Variants in ATP11A observed in about 807,000 individuals in gnomAD.
ATP11A encodes ATPase phospholipid transporting 11A, also known as phospholipid-transporting ATPase IH.
In ATP11A, 81 loss-of-function variants were observed where a neutral mutation model predicts 154.4. That is an observed-to-expected ratio of 0.52 (90% CI 0.44 to 0.63). The LOEUF (loss-of-function observed/expected upper bound fraction) is 0.63. Among genes scored for constraint, ATP11A ranks in the 30% least tolerant of loss-of-function variants. The probability of loss-of-function intolerance (pLI) is 0.00; values close to 1 mark genes in which losing one functional copy is unlikely to be tolerated. For synonymous variants in ATP11A, 623 were observed against 585.9 expected, an observed-to-expected ratio of 1.06 and a Z score of -0.91; for missense variants, 1,316 against 1,474.3, an observed-to-expected ratio of 0.89 and a Z score of 1.76.
intron 1 of ATP11A, among the ~76,000 whole-genome samples, chr13:112,724,129 A>ATCGCCCCCTTCGCCCCCT (rs1294728039): frequency 7.0e-5 from 1 of 14,294 alleles, no homozygotes; most frequent in African/African-American, 3.0e-4. Flanking sequence ...CTTCTCCCCC[A>ATCGCCCCCTTCGCCCCCT]TCGCCCCCTT....
chr13:112,881,656 C>G lies in ATP11A; in HGVS notation c.*10-220C>G, dbSNP rs1317196996. Reference sequence around the variant, plus strand: ...ATATGGCTTCTCTGGTGGGGTGGATCCCGCCCGGCCTGCCCTCAGGACGAG... The same window carrying G: ...ATATGGCTTCTCTGGTGGGGTGGATGCCGCCCGGCCTGCCCTCAGGACGAG... On this transcript the variant is annotated intron_variant, in intron 29 of 29. Transcript: ENST00000375645. 6 of 1,201,532 alleles carry G rather than the reference C, an allele frequency of 5.0e-6. No homozygotes were observed. The African/African-American group carries it at 9.5e-5, about 19-fold the overall frequency. 74.4% of individuals were successfully genotyped at this position (1,201,532 alleles called of 1,614,324 possible).
chr13:112,779,032 TGAG>T (rs869156162), intron 1 of ATP11A, among the ~76,000 whole-genome samples: 7 of 108,898 alleles, frequency 6.4e-5, no homozygotes, highest in East Asian at 2.8e-4. Context: ...GCCGCTGGAG[TGAG>T]GAGTAGCCGC....
chr13:112,852,966 A>G (rs1377999137), intron 18 of ATP11A, among the ~76,000 whole-genome samples: 1 of 152,118 alleles, frequency 6.6e-6, no homozygotes, highest in African/African-American at 2.4e-5. Context: ...CACGCTTGTA[A>G]TCCTCGCAAT....
chr13:112,708,144 G>A (rs1014948261), intron 1 of ATP11A, among the ~76,000 whole-genome samples: 1 of 52,042 alleles, frequency 1.9e-5, no homozygotes, highest in Non-Finnish European at 3.5e-5. Flanking sequence ...ACCACTTCAA[G>A]CATCTCGACA....
Position 112,856,014 on chromosome 13 carries a change from C to T in ATP11A, c.2347C>T (p.Leu783Phe). The T allele has an allele frequency of 6.2e-7, 1 of 1,614,224 alleles. No homozygotes were observed. The highest frequency in any genetic ancestry group is 8.5e-7 in the Non-Finnish European group (1 of 1,180,040). The change falls in exon 20 of 30, where the codon CTC (leucine) becomes TTC (phenylalanine). Residue 783 changes from leucine to phenylalanine, a missense_variant. Physicochemically the swap from Leu to Phe is conservative, Grantham distance 22 (BLOSUM62 0). Around this residue, in one of 5 missense-constraint regions of ATP11A, gnomAD observed 876 missense variants for 1,006.8 expected, o/e 0.87. Transcript: ENST00000375645. ...EDGSSGNYRE[L>F]FLEICRSCSA... ...CGGGAGTTCCGGCAACTACAGGGAG[C>T]TCTTCCTGGAAATCTGCCGGAGCTG...
chr13:112,878,521 T>C lies in ATP11A; in HGVS notation c.*9+218T>C, dbSNP rs2080796648. On this transcript the variant is annotated intron_variant, in intron 29 of 29. Transcript: ENST00000375645. ...CCATCAGTCACAGTTAACCAGGGTTTCTCCCTCAGCGTCCGTGCAGCCTCA... is the reference window on the plus strand; with the variant it reads ...CCATCAGTCACAGTTAACCAGGGTTCCTCCCTCAGCGTCCGTGCAGCCTCA... 1.5e-5 allele frequency: 9 copies of C among 600,782 alleles called. No individual in the cohort carries two copies. The East Asian group carries it at 1.9e-4, about 13-fold the overall frequency. The allele number at this position is 600,782 out of a possible 1,614,324, so 37.2% of individuals were successfully genotyped here.
At chr13:112,768,159 G>A (rs912000596) in intron 1 of ATP11A, among the ~76,000 whole-genome samples, 11 of 152,180 alleles carry the variant, frequency 7.2e-5, no homozygotes, top group South Asian at 4.1e-4. Context: ...CTTTTATTCC[G>A]GCCTCCCAAG....
rs753125880 is a variant in ATP11A, at chr13:112,880,591, G to A, written c.*10-1285G>A. 5.3e-5 allele frequency: 69 copies of A among 1,300,706 alleles called. No homozygotes were observed. The South Asian group carries it at 5.6e-4, about 10-fold the overall frequency. 80.6% of individuals were successfully genotyped at this position (1,300,706 alleles called of 1,614,324 possible). A position where few individuals can be genotyped will look rare whatever the true frequency, so the allele number is the denominator to read the frequency against. On this transcript the variant is annotated intron_variant, in intron 29 of 29. Coordinates refer to ENST00000375645, the MANE Select transcript of ATP11A (RefSeq NM_015205.3). Reference sequence around the variant, plus strand: ...TCCAGTCCAGGCCGCACAGAGCAGCGATGGGCCCCTCCTGAAGGACCTCCT... The same window carrying A: ...TCCAGTCCAGGCCGCACAGAGCAGCAATGGGCCCCTCCTGAAGGACCTCCT...
chr13:112,825,687 C>G (rs2078915643), intron 11 of ATP11A, 107 bp downstream of exon 11: 1 of 1,318,264 alleles, frequency 7.6e-7, no homozygotes, highest in East Asian at 2.4e-5. Context: ...AGGCAAAAAG[C>G]AGCTTGATTG....
At chr13:112,739,887 G>A (rs1383889430) in intron 1 of ATP11A, among the ~76,000 whole-genome samples, 3 of 151,930 alleles carry the variant, frequency 2.0e-5, no homozygotes, top group African/African-American at 7.3e-5. Flanking sequence ...AAGGCCACAC[G>A]TTGTATGATT....
intron 5 of ATP11A, 43 bp downstream of exon 5, chr13:112,810,769 C>G (rs1555330414): frequency 6.4e-7 from 1 of 1,573,092 alleles, no homozygotes. Flanking sequence ...AGTCCAGTAA[C>G]TGTTTAAAAA....
At chr13:112,755,520 C>G (rs1053040034) in intron 1 of ATP11A, among the ~76,000 whole-genome samples, 1 of 152,248 alleles carries the variant, frequency 6.6e-6, no homozygotes, top group Non-Finnish European at 1.5e-5. Context: ...ACAAGAAGAG[C>G]CTCCCTGCAG....
At chr13:112,806,335 A>G in intron 4 of ATP11A, 42 bp downstream of exon 4, 1 of 1,477,968 alleles carries the variant, frequency 6.8e-7, no homozygotes, top group Non-Finnish European at 9.4e-7. Flanking sequence ...CGTCATCTTC[A>G]CCATGTGAAT....
rs781275221 is a variant in ATP11A, at chr13:112,875,904, G to A, written c.3290G>A (p.Cys1097Tyr). The change falls in exon 28 of 30, where the codon TGC (cysteine) becomes TAC (tyrosine). Residue 1097 changes from cysteine to tyrosine, a missense_variant. This residue lies in a region of ATP11A where 294 missense variants were observed against 290.2 expected (regional missense o/e 1.01). Coordinates refer to ENST00000375645, the MANE Select transcript of ATP11A (RefSeq NM_015205.3). This position sits in a 1 kb window ranked among gnomAD's most constrained non-coding sequence, Gnocchi z 4.1. Reference sequence around the variant, plus strand: ...CCCGACGTCCTCAAGAAAGTCCTGTGCCGGCAGCTGTGGCCAACAGCAACA... The same window carrying A: ...CCCGACGTCCTCAAGAAAGTCCTGTACCGGCAGCTGTGGCCAACAGCAACA... Reference protein sequence around the residue: ...LLPDVLKKVLCRQLWPTATER... With the variant: ...LLPDVLKKVLYRQLWPTATER... 2 of 1,613,098 alleles carry A rather than the reference G, an allele frequency of 1.2e-6. No homozygotes were observed. The highest frequency in any genetic ancestry group is 1.7e-6 in the Non-Finnish European group (2 of 1,180,040).
chr13:112,707,358 T>G (rs1486674692), intron 1 of ATP11A, among the ~76,000 whole-genome samples: 1 of 146,560 alleles, frequency 6.8e-6, no homozygotes, highest in Non-Finnish European at 1.5e-5. Flanking sequence ...GAGGTTGCAG[T>G]GAGCTAAGAT....
In ATP11A at chr13:112,885,319, G is replaced by C. The variant is rs887883875; in HGVS notation, c.*3453G>C. 1 of 152,038 alleles carries C rather than the reference G, an allele frequency of 6.6e-6. No individual in the cohort carries two copies. Among genetic ancestry groups the C allele is most frequent in the Non-Finnish European group, 1.5e-5 (1 of 68,046 alleles). The allele number at this position is 152,038 out of a possible 1,614,324, so 9.4% of individuals were successfully genotyped here. On this transcript the variant is annotated 3_prime_UTR_variant, in exon 30 of 30. Coordinates refer to ENST00000375645, the MANE Select transcript of ATP11A (RefSeq NM_015205.3). ...ACACGTGTATGCACAGCAGAGAGACGTATGAGCTTCTACTGCACACATGCA... is the reference window on the plus strand; with the variant it reads ...ACACGTGTATGCACAGCAGAGAGACCTATGAGCTTCTACTGCACACATGCA...
chr13:112,759,061 C>T (rs567179998), intron 1 of ATP11A, among the ~76,000 whole-genome samples: 1 of 152,332 alleles, frequency 6.6e-6, no homozygotes, highest in Admixed American at 6.5e-5. Flanking sequence ...AAATACTTCT[C>T]TTGTAAAAAC....
intron 2 of ATP11A, among the ~76,000 whole-genome samples, chr13:112,792,982 A>G (rs559278986): frequency 6.6e-6 from 1 of 152,354 alleles, no homozygotes; most frequent in South Asian, 2.1e-4. Flanking sequence ...TCGTAGGTAT[A>G]GCCAGTGTTT....
At chr13:112,846,751 C>T (rs2079620770) in intron 17 of ATP11A, among the ~76,000 whole-genome samples, 1 of 152,184 alleles carries the variant, frequency 6.6e-6, no homozygotes, top group Non-Finnish European at 1.5e-5. Flanking sequence ...TCGTGGTCCT[C>T]CTGGAGATCT....
Sources: allele counts gnomAD v4.1 joint callset (sites outside exome capture counted in the v4.1 genomes callset), GRCh38; gene constraint gnomAD v4.1.1; regional missense constraint gnomAD v4.1.1; non-coding constraint Gnocchi (gnomAD v3.1); transcripts MANE v1.5; gene names NCBI Gene and HGNC (gene_info 2026-07-23, HGNC 2026-07-21).